Variants in SLC22A5 observed in about 807,000 individuals in gnomAD.
The protein encoded by SLC22A5 is organic cation/carnitine transporter 2.
A neutral mutation model predicts 56.7 loss-of-function variants in SLC22A5; 44 were observed. The ratio of observed to expected loss-of-function variants is 0.78; its 90% CI spans 0.61 to 1.00. The LOEUF is 1.00. SLC22A5 is among the 50% of genes least tolerant of loss of function. The pLI, the probability that SLC22A5 is intolerant of heterozygous loss-of-function variation, is 0.00. For synonymous variants in SLC22A5, 278 were observed against 292.1 expected, an observed-to-expected ratio of 0.95 and a Z score of 0.49; for missense variants, 675 against 723.0, an observed-to-expected ratio of 0.93 and a Z score of 0.76.
chr5:132,389,853 C>T (rs1342627594), intron 6 of SLC22A5: 1 of 154,580 alleles, frequency 6.5e-6, no homozygotes, highest in Non-Finnish European at 1.4e-5. Context: ...AGCATGTAGC[C>T]TGCACCACAG....
At position 132,370,336 on chromosome 5, in the gene SLC22A5, G is replaced by T. The variant is rs201082652; in HGVS notation, c.364G>T (p.Asp122Tyr). Residue 122 changes from aspartate (D) to tyrosine (Y), a missense_variant, in exon 1 of 10, where the codon GAC (aspartate) becomes TAC (tyrosine). Coordinates refer to ENST00000245407, the MANE Select transcript of SLC22A5 (RefSeq NM_003060.4). The stretch of plus-strand genomic sequence containing the variant: ...TCTGGATGGCTGGGAGTTCAGTCAG[G>T]ACGTCTACCTGTCCACCATTGTGAC... ...SCLDGWEFSQ[D>Y]VYLSTIVTEW... 1,035 of 1,612,276 alleles carry T rather than the reference G, an allele frequency of 6.4e-4. 1 individual carries two copies. The highest frequency in any genetic ancestry group is 9.9e-4 in the Middle Eastern group (6 of 6,062).
Position 132,392,485 on chromosome 5 carries a change from G to A in SLC22A5, c.1320G>A (p.Thr440=), listed in dbSNP as rs747285272. Residue 440 remains threonine, a synonymous_variant, in exon 8 of 10, where the codon ACG becomes ACA. Coordinates refer to ENST00000245407, the MANE Select transcript of SLC22A5 (RefSeq NM_003060.4). ...VLVMVGKFGV[T]AAFSMVYVYT... is the part of the protein sequence containing the mutation. ...TGATGGTGGGCAAGTTTGGAGTCACGGCTGCCTTTTCCATGGTCTACGTGT... is the reference window on the plus strand; with the variant it reads ...TGATGGTGGGCAAGTTTGGAGTCACAGCTGCCTTTTCCATGGTCTACGTGT... 18 of 1,614,024 alleles carry A rather than the reference G, an allele frequency of 1.1e-5. No individual in the cohort carries two copies. The highest frequency in any genetic ancestry group is 1.5e-5 in the Non-Finnish European group (18 of 1,180,034).
chr5:132,381,985 A>G (rs1173245912), intron 2 of SLC22A5: 1 of 152,182 alleles, frequency 6.6e-6, no homozygotes, highest in East Asian at 1.9e-4. Flanking sequence ...TGCTTGTTAA[A>G]AAAACCATGC....
At chr5:132,387,412 A>G (rs914781282) in intron 5 of SLC22A5, among the ~76,000 whole-genome samples, 5 of 152,006 alleles carry the variant, frequency 3.3e-5, no homozygotes, top group Non-Finnish European at 5.9e-5. Flanking sequence ...TTTCTAGGCA[A>G]TCATATATTT....
chr5:132,370,088 C>T lies in SLC22A5; in HGVS notation c.116C>T (p.Ser39Phe), dbSNP rs1350319349. The T allele has an allele frequency of 1.2e-6, 2 of 1,612,852 alleles. No individual in the cohort carries two copies. The highest frequency in any genetic ancestry group is 1.7e-6 in the Non-Finnish European group (2 of 1,179,668). ...IIPNGFTGLS[S>F]VFLIATPEHR... The stretch of plus-strand genomic sequence containing the variant: ...CCCAATGGCTTCACCGGCCTGTCCT[C>T]CGTGTTCCTGATAGCGACCCCGGAG... Residue 39 changes from serine to phenylalanine, a missense_variant, in exon 1 of 10, where the codon TCC (serine) becomes TTC (phenylalanine). Physicochemically the swap from Ser to Phe is radical, Grantham distance 155. Coordinates refer to ENST00000245407, the MANE Select transcript of SLC22A5 (RefSeq NM_003060.4).
chr5:132,372,718 T>C (rs540671177), intron 1 of SLC22A5, among the ~76,000 whole-genome samples: 36 of 152,378 alleles, frequency 2.4e-4, no homozygotes, highest in African/African-American at 8.2e-4. Flanking sequence ...GCTACTGGAA[T>C]GCTTGACTTG....
chr5:132,387,046 A>T lies in SLC22A5; in HGVS notation c.846A>T (p.Arg282=), dbSNP rs1183791577. 6.2e-7 allele frequency: 1 copy of T among 1,614,114 alleles called. No individual in the cohort carries two copies. Among genetic ancestry groups the T allele is most frequent in the South Asian group, 1.1e-5 (1 of 91,086 alleles). The change falls in exon 5 of 10, where the codon CGA becomes CGT. Residue 282 remains arginine (R), a synonymous_variant. Transcript: ENST00000245407. ...CCAGGTTCATCCCTGAGTCCCCCCG[A>T]TGGCTCATCTCTCAGGGACGATTTG... ...ALWWFIPESP[R]WLISQGRFEE...
At chr5:132,379,334 C>A (rs1434376387) in intron 2 of SLC22A5, 1 of 152,192 alleles carries the variant, frequency 6.6e-6, no homozygotes, top group African/African-American at 2.4e-5. Flanking sequence ...TGTGAGAACA[C>A]CCCACAAATC....
chr5:132,385,208 A>C (rs371233794), intron 3 of SLC22A5, 120 bp from the exon 4 acceptor site: 48 of 940,244 alleles, frequency 5.1e-5, no homozygotes, highest in Middle Eastern at 3.2e-4. Flanking sequence ...CCCTAGCGCC[A>C]TGAACTTAGA....
rs1580892172 is a variant in SLC22A5, at chr5:132,390,703, G to A, written c.1066G>A (p.Val356Met). The change falls in exon 7 of 10, where the codon GTG (valine) becomes ATG (methionine). Residue 356 changes from valine (V) to methionine (M), a missense_variant. By Grantham distance (21) the Val-to-Met change is conservative (BLOSUM62 1). Transcript: ENST00000245407. Reference sequence around the variant, plus strand: ...ACTCTGTTTCAGGATGACCATATCAGTGGGCTATTTTGGGCTTTCGCTTGA... The same window carrying A: ...ACTCTGTTTCAGGATGACCATATCAATGGGCTATTTTGGGCTTTCGCTTGA... ...MSIMLWMTIS[V>M]GYFGLSLDTP... 1 of 1,613,610 alleles carries A rather than the reference G, an allele frequency of 6.2e-7. No individual in the cohort carries two copies. The highest frequency in any genetic ancestry group is 8.5e-7 in the Non-Finnish European group (1 of 1,179,476).
rs2126791523 is a variant in SLC22A5 at position 132,392,544 on chromosome 5, A to C, written c.1379A>C (p.Asn460Thr). Residue 460 changes from asparagine (N) to threonine (T), a missense_variant, in exon 8 of 10, where the codon AAC becomes ACC. Coordinates refer to ENST00000245407, the MANE Select transcript of SLC22A5 (RefSeq NM_003060.4). The part of the protein sequence containing the change: ...TAELYPTVVR[N>T]MGVGVSSTAS... The stretch of plus-strand genomic sequence containing the variant: ...GAGCTGTATCCCACAGTGGTGAGAA[A>C]CATGGGTGTGGGAGTCAGCTCCACA... 1 of 1,614,178 alleles carries C rather than the reference A, an allele frequency of 6.2e-7. No homozygotes were observed. The highest frequency in any genetic ancestry group is 2.2e-5 in the East Asian group (1 of 44,886).
At chr5:132,386,112 G>C (rs367782778) in intron 4 of SLC22A5, among the ~76,000 whole-genome samples, 1 of 152,244 alleles carries the variant, frequency 6.6e-6, no homozygotes, top group Non-Finnish European at 1.5e-5. Flanking sequence ...AGTCATGACC[G>C]AGGGTGGGGG....
intron 6 of SLC22A5, chr5:132,389,339 C>A (rs1752630479): frequency 5.4e-6 from 2 of 368,534 alleles, no homozygotes; most frequent in Admixed American, 3.8e-5. Context: ...CAGTTACCGA[C>A]AGTGGCTGAG....
At chr5:132,393,521 G>C (rs1216482343) in intron 8 of SLC22A5, among the ~76,000 whole-genome samples, 155 bp from the exon 9 acceptor site, 2 of 152,188 alleles carry the variant, frequency 1.3e-5, no homozygotes, top group Non-Finnish European at 2.9e-5. Flanking sequence ...AACCTGTCTA[G>C]ATGCCAGATT....
chr5:132,378,555 C>A, intron 2 of SLC22A5, 74 bp downstream of exon 2: 1 of 1,079,274 alleles, frequency 9.3e-7, no homozygotes, highest in Non-Finnish European at 1.4e-6. Flanking sequence ...CCCTTGATTT[C>A]AGTTGGTAGT....
At chr5:132,389,481 G>A in intron 6 of SLC22A5, 1 of 268,586 alleles carries the variant, frequency 3.7e-6, no homozygotes, top group Non-Finnish European at 7.4e-6. Context: ...AAACGGTCCT[G>A]GAGTCAGGGC....
At chr5:132,389,959 A>G (rs1752647014) in intron 6 of SLC22A5, 1 of 155,856 alleles carries the variant, frequency 6.4e-6, no homozygotes, top group South Asian at 1.9e-4. Flanking sequence ...TACTCTTTTT[A>G]TTGTACCAGC....
chr5:132,385,195 G>A, intron 3 of SLC22A5, 133 bp from the exon 4 acceptor site: 13 of 840,886 alleles, frequency 1.5e-5, no homozygotes, highest in Middle Eastern at 3.4e-4. Context: ...AACGCCATCC[G>A]CTCCCTAGCG....
At chr5:132,377,706 T>C in intron 1 of SLC22A5, 1 of 172,728 alleles carries the variant, frequency 5.8e-6, no homozygotes, top group Non-Finnish European at 1.2e-5. Flanking sequence ...CATGGGGTGA[T>C]GCTTATCTGA....
Sources: allele counts gnomAD v4.1 joint callset (sites outside exome capture counted in the v4.1 genomes callset), GRCh38; gene constraint gnomAD v4.1.1; transcripts MANE v1.5; gene names NCBI Gene and HGNC (gene_info 2026-07-23, HGNC 2026-07-21).